RNF170: variants seen among roughly 807,000 people sequenced by gnomAD.
RNF170 encodes ring finger protein 170, also known as E3 ubiquitin-protein ligase RNF170.
Under a neutral mutation model 32.7 loss-of-function variants are expected in RNF170, and 12 were observed. The observed-to-expected ratio is 0.37, with a 90% confidence interval of 0.24 to 0.60. RNF170 has a LOEUF of 0.60. Ranked by LOEUF, RNF170 falls within the 20% of genes least tolerant of loss-of-function variation. The pLI, the probability that RNF170 is intolerant of heterozygous loss-of-function variation, is 0.72. For synonymous variants in RNF170, 91 were observed against 103.6 expected (o/e 0.88, Z 0.74); for missense variants, 212 against 311.2 (o/e 0.68, Z 2.40).
intron 6 of RNF170, among the ~76,000 whole-genome samples, 163 bp from the exon 7 acceptor site, chr8:42,856,591 T>G (rs1803259934): frequency 6.6e-6 from 1 of 152,242 alleles, no homozygotes; most frequent in South Asian, 2.1e-4. Flanking sequence ...AAATAGCTCT[T>G]TGAATACTAG....
At chr8:42,890,276 A>C (rs1040280210) in intron 1 of RNF170, among the ~76,000 whole-genome samples, 2 of 143,432 alleles carry the variant, frequency 1.4e-5, no homozygotes, top group African/African-American at 5.2e-5. Context: ...TTTTTTTGAG[A>C]CTTTTTTTTT....
At chr8:42,874,641 C>G (rs1159794729) in intron 2 of RNF170, among the ~76,000 whole-genome samples, 1 of 151,824 alleles carries the variant, frequency 6.6e-6, no homozygotes, top group African/African-American at 2.4e-5. Context: ...ACTCAGGAGG[C>G]TGAGGCAGGA....
intron 2 of RNF170, among the ~76,000 whole-genome samples, chr8:42,876,813 C>T (rs1212781930): frequency 6.6e-6 from 1 of 151,924 alleles, no homozygotes; most frequent in Non-Finnish European, 1.5e-5. Context: ...CTGCACGCCA[C>T]CACACCCTAA....
At chr8:42,890,339 G>A (rs1806195235) in intron 1 of RNF170, among the ~76,000 whole-genome samples, 1 of 149,830 alleles carries the variant, frequency 6.7e-6, no homozygotes, top group Non-Finnish European at 1.5e-5. Context: ...GTGCAGCAAC[G>A]CGATCTCGGC....
intron 1 of RNF170, among the ~76,000 whole-genome samples, chr8:42,893,360 A>AC (rs1806474089): frequency 6.6e-6 from 1 of 152,244 alleles, no homozygotes; most frequent in South Asian, 2.1e-4. Flanking sequence ...GTGCAGTGTA[A>AC]CTGATAGAAG....
At chr8:42,860,384 G>A (rs1803566560) in intron 6 of RNF170, among the ~76,000 whole-genome samples, 1 of 152,140 alleles carries the variant, frequency 6.6e-6, no homozygotes, top group African/African-American at 2.4e-5. Flanking sequence ...ACAGTGTTCT[G>A]CTTTTAAATA....
At chr8:42,881,920 G>A (rs1472674605) in intron 2 of RNF170, among the ~76,000 whole-genome samples, 3 of 152,038 alleles carry the variant, frequency 2.0e-5, no homozygotes, top group Non-Finnish European at 2.9e-5. Context: ...GGGCAACAGA[G>A]TAAGACCCTA....
At position 42,854,358 on chromosome 8, in the gene RNF170, C is replaced by T. The variant is rs1267104661; in HGVS notation, c.*1801G>A. ...AATTTTGGTGTAATGCCACTTTGATCAGTTATTTGTTGTATGACTTCATTC... is the reference window on the plus strand; with the variant it reads ...AATTTTGGTGTAATGCCACTTTGATTAGTTATTTGTTGTATGACTTCATTC... On this transcript the variant is annotated 3_prime_UTR_variant, in exon 7 of 7. Transcript: ENST00000527424. The T allele has an allele frequency of 7.8e-7, 1 of 1,287,218 alleles. No homozygotes were observed. Among genetic ancestry groups the T allele is most frequent in the Admixed American group, 2.3e-5 (1 of 43,552 alleles). 79.7% of individuals were successfully genotyped at this position (1,287,218 alleles called of 1,614,324 possible).
chr8:42,862,627 C>T (rs1358784774), intron 5 of RNF170, among the ~76,000 whole-genome samples: 2 of 152,198 alleles, frequency 1.3e-5, no homozygotes, highest in Admixed American at 6.5e-5. Flanking sequence ...TGTCCTTCCT[C>T]AGTTCAGCTG....
At chr8:42,886,812 C>T (rs1190945276) in intron 2 of RNF170, among the ~76,000 whole-genome samples, 1 of 152,140 alleles carries the variant, frequency 6.6e-6, no homozygotes, top group Non-Finnish European at 1.5e-5. Context: ...TGCTTGAGTC[C>T]AGGAGTTCAA....
rs539961957 is a variant in RNF170 at position 42,884,721 on chromosome 8, G to A, written c.137+3007C>T. Among the ~76,000 whole-genome samples, 4 of 141,658 alleles carry A rather than the reference G, an allele frequency of 2.8e-5. No homozygotes were observed. The South Asian group carries it at 6.7e-4, about 24-fold the overall frequency. 92.9% of individuals were successfully genotyped at this position (141,658 alleles called of 152,430 possible). ...ATGAATTCTTTTTTTTTTTTCTTTT[G>A]AGATGGAGTTTTGCTTGTTGCCCAG... is the stretch of plus-strand genomic sequence containing the variant. On this transcript the variant is annotated intron_variant, in intron 2 of 6. Coordinates refer to ENST00000527424, the MANE Select transcript of RNF170 (RefSeq NM_030954.4).
intron 1 of RNF170, among the ~76,000 whole-genome samples, chr8:42,893,357 G>A (rs1453584229): frequency 6.6e-6 from 1 of 152,224 alleles, no homozygotes; most frequent in Admixed American, 6.5e-5. Flanking sequence ...ACTGTGCAGT[G>A]TAACTGATAG....
chr8:42,880,172 T>C (rs2128944386), intron 2 of RNF170, among the ~76,000 whole-genome samples: 1 of 152,304 alleles, frequency 6.6e-6, no homozygotes. Context: ...TGCTGCATCA[T>C]GACAATACTT....
intron 2 of RNF170, among the ~76,000 whole-genome samples, chr8:42,886,739 A>G (rs1805859391): frequency 6.6e-6 from 1 of 152,160 alleles, no homozygotes; most frequent in African/African-American, 2.4e-5. Context: ...AATTAATTTT[A>G]GAATCAGGTG....
At chr8:42,862,108 T>C (rs1803708576) in intron 5 of RNF170, among the ~76,000 whole-genome samples, 1 of 152,158 alleles carries the variant, frequency 6.6e-6, no homozygotes, top group African/African-American at 2.4e-5. Flanking sequence ...ACACCAGGGG[T>C]AAATTCCTTA....
chr8:42,892,092 G>A (rs527720577), intron 1 of RNF170, among the ~76,000 whole-genome samples: 1 of 152,272 alleles, frequency 6.6e-6, no homozygotes, highest in East Asian at 1.9e-4. Context: ...GACCTAAGTG[G>A]CATGACTGGC....
chr8:42,894,171 AAT>A (rs1806547489), intron 1 of RNF170, among the ~76,000 whole-genome samples: 1 of 152,236 alleles, frequency 6.6e-6, no homozygotes, highest in Non-Finnish European at 1.5e-5. Flanking sequence ...AGGTAACTGG[AAT>A]TACAAAATGA....
downstream of RNF170, among the ~76,000 whole-genome samples, chr8:42,852,834 T>C (rs1294726999): frequency 6.6e-6 from 1 of 152,168 alleles, no homozygotes; most frequent in African/African-American, 2.4e-5. Flanking sequence ...ATTTGCTTAA[T>C]AGAAAAATAA....
At chr8:42,874,098 G>A in intron 2 of RNF170, 92 bp from the exon 3 acceptor site, 3 of 762,644 alleles carry the variant, frequency 3.9e-6, no homozygotes, top group Non-Finnish European at 6.9e-6. Context: ...TATAACTACT[G>A]GTAATTAATG....
Sources: gnomAD v4.1 joint callset for allele counts (sites outside exome capture counted in the v4.1 genomes callset) on GRCh38, gnomAD v4.1.1 for gene constraint, MANE v1.5 for transcripts, NCBI Gene and HGNC (gene_info 2026-07-23, HGNC 2026-07-21) for gene names.